Variants in ALK observed in about 807,000 individuals in gnomAD.
ALK encodes ALK tyrosine kinase receptor.
Under a neutral mutation model 163.1 loss-of-function variants are expected in ALK, and 74 were observed. That is an observed-to-expected ratio of 0.45 (90% CI 0.38 to 0.55). The LOEUF (loss-of-function observed/expected upper bound fraction) is 0.55. ALK is among the 20% of genes least tolerant of loss of function. The pLI is 0.00. For synonymous variants in ALK, 960 were observed against 843.2 expected (o/e 1.14, Z -2.40); for missense variants, 2,063 against 2,105.3 (o/e 0.98, Z 0.39).
intron 3 of ALK, among the ~76,000 whole-genome samples, chr2:29,689,844 T>A (rs192944550): frequency 6.6e-6 from 1 of 152,312 alleles, no homozygotes; most frequent in Admixed American, 6.5e-5. Flanking sequence ...ACAGGAGGTA[T>A]GCCATGTGAT....
intron 28 of ALK, among the ~76,000 whole-genome samples, chr2:29,194,759 G>T (rs1240736540): frequency 6.7e-6 from 1 of 150,264 alleles, no homozygotes. Flanking sequence ...CTCAGGTGAG[G>T]CACCTGCCTC....
intron 1 of ALK, among the ~76,000 whole-genome samples, chr2:29,820,864 T>C (rs1665028567): frequency 6.6e-6 from 1 of 152,214 alleles, no homozygotes; most frequent in African/African-American, 2.4e-5. Context: ...TCCTACAGTG[T>C]TCTCTTTCCC....
intron 13 of ALK, among the ~76,000 whole-genome samples, chr2:29,237,901 C>T (rs1446634184): frequency 6.6e-6 from 1 of 152,216 alleles, no homozygotes; most frequent in Admixed American, 6.5e-5. Context: ...ATCCCCGCCC[C>T]TAGCCACAAA....
At chr2:29,590,192 G>A (rs1194642841) in intron 3 of ALK, among the ~76,000 whole-genome samples, 5 of 152,190 alleles carry the variant, frequency 3.3e-5, no homozygotes, top group South Asian at 4.2e-4. Flanking sequence ...TCCTAATCAC[G>A]CAACTATTTA....
chr2:29,780,720 C>T (rs1387812072), intron 1 of ALK, among the ~76,000 whole-genome samples: 1 of 152,154 alleles, frequency 6.6e-6, no homozygotes, highest in African/African-American at 2.4e-5. Flanking sequence ...TAACAGATGC[C>T]ACAGCAAAAA....
intron 13 of ALK, among the ~76,000 whole-genome samples, chr2:29,237,076 A>T (rs1664405754): frequency 6.6e-6 from 1 of 152,150 alleles, no homozygotes; most frequent in Non-Finnish European, 1.5e-5. Context: ...TTTTGGAGTC[A>T]TCCTTGACTC....
intron 1 of ALK, among the ~76,000 whole-genome samples, chr2:29,720,235 G>T (rs927529989): frequency 2.1e-4 from 32 of 151,990 alleles, no homozygotes; most frequent in African/African-American, 7.5e-4. Context: ...GCTTTCAAAA[G>T]GAAGGGCTCT....
intron 4 of ALK, among the ~76,000 whole-genome samples, chr2:29,454,516 C>T (rs917807582): frequency 6.6e-6 from 1 of 152,022 alleles, no homozygotes; most frequent in African/African-American, 2.4e-5. Context: ...ATGCAGAACC[C>T]ACAGACACGA....
chr2:29,486,132 T>C (rs556261552), intron 4 of ALK, among the ~76,000 whole-genome samples: 1 of 152,292 alleles, frequency 6.6e-6, no homozygotes, highest in African/African-American at 2.4e-5. Flanking sequence ...GTCATTCCCA[T>C]GTTATCTCTC....
intron 3 of ALK, among the ~76,000 whole-genome samples, chr2:29,546,899 C>T (rs1211607763): frequency 1.3e-5 from 2 of 152,148 alleles, no homozygotes; most frequent in Non-Finnish European, 2.9e-5. Context: ...ATACCCGCTG[C>T]TGAAGAAGGA....
chr2:29,547,662 G>A (rs1431033776), intron 3 of ALK, among the ~76,000 whole-genome samples: 11 of 152,120 alleles, frequency 7.2e-5, no homozygotes, highest in Non-Finnish European at 2.9e-5. Context: ...ACTGAACTGC[G>A]GTGGATTTCA....
chr2:29,894,991 A>G (rs753433311), intron 1 of ALK, among the ~76,000 whole-genome samples: 1 of 152,206 alleles, frequency 6.6e-6, no homozygotes. Flanking sequence ...CATCAGTGGT[A>G]AAACCTCCAT....
At chr2:29,801,969 AAAT>A (rs1257141928) in intron 1 of ALK, among the ~76,000 whole-genome samples, 1 of 152,190 alleles carries the variant, frequency 6.6e-6, no homozygotes, top group Non-Finnish European at 1.5e-5. Flanking sequence ...TGGGGGACAT[AAAT>A]AATAATGATG....
intron 23 of ALK, among the ~76,000 whole-genome samples, chr2:29,215,467 T>C (rs1670286): frequency 0.98 from 149,549 of 152,256 alleles, 73,492 homozygotes; most frequent in Middle Eastern, 1. Context: ...CCAGAGCACA[T>C]ACATGATCTG....
chr2:29,688,414 T>C (rs1042640051), intron 3 of ALK, among the ~76,000 whole-genome samples: 1 of 152,212 alleles, frequency 6.6e-6, no homozygotes, highest in Admixed American at 6.5e-5. Flanking sequence ...AAACCTTTGC[T>C]AATAAATAGT....
At chr2:29,766,523 T>C (rs1184848904) in intron 1 of ALK, among the ~76,000 whole-genome samples, 1 of 152,180 alleles carries the variant, frequency 6.6e-6, no homozygotes, top group African/African-American at 2.4e-5. Flanking sequence ...AGACATACCC[T>C]AGGCAGTGAA....
rs150892686 is a variant in ALK at position 29,698,111 on chromosome 2, C to T, written c.788-3097G>A. ...CCTTGCCCTTTCACGATTCAGACAA[C>T]TTGCCTTCATAGTGGCAAGCTGAAA... is the stretch of plus-strand genomic sequence containing the variant. On this transcript the variant is annotated intron_variant, in intron 2 of 28. Coordinates refer to ENST00000389048, the MANE Select transcript of ALK (RefSeq NM_004304.5). Among the ~76,000 whole-genome samples, 5 of 152,318 alleles carry T rather than the reference C, an allele frequency of 3.3e-5. No homozygotes were observed. In the East Asian group the frequency reaches 9.7e-4, roughly 29 times the overall value.
chr2:29,911,980 T>C (rs530682648), intron 1 of ALK, among the ~76,000 whole-genome samples: 1 of 152,200 alleles, frequency 6.6e-6, no homozygotes, highest in South Asian at 2.1e-4. Flanking sequence ...GAAACTAAAA[T>C]ATCTAAAGTA....
At chr2:29,776,152 C>T (rs892067690) in intron 1 of ALK, among the ~76,000 whole-genome samples, 15 of 150,866 alleles carry the variant, frequency 9.9e-5, no homozygotes, top group Non-Finnish European at 8.8e-5. Context: ...TCAGACCTTC[C>T]TGGAAGAAGC....
Sources: allele counts gnomAD v4.1 joint callset (sites outside exome capture counted in the v4.1 genomes callset), GRCh38; gene constraint gnomAD v4.1.1; transcripts MANE v1.5; gene names NCBI Gene and HGNC (gene_info 2026-07-23, HGNC 2026-07-21).